The following EYA4 variants were observed in gnomAD, a reference collection of about 807,000 sequenced individuals.
EYA4 encodes the protein EYA transcriptional coactivator and phosphatase 4, also known as protein phosphatase EYA4.
A neutral mutation model predicts 87.9 loss-of-function variants in EYA4; 31 were observed. That is an observed-to-expected ratio of 0.35 (90% CI 0.27 to 0.48). The LOEUF is 0.48. Ranked by LOEUF, EYA4 falls within the 20% of genes least tolerant of loss-of-function variation. The pLI is 0.99. For missense variants in EYA4, 678 were observed against 761.4 expected (o/e 0.89, Z 1.29); for synonymous variants, 263 against 270.6 (o/e 0.97, Z 0.28).
At chr6:133,417,300 T>C (rs1006349443) in intron 3 of EYA4, among the ~76,000 whole-genome samples, 3 of 152,138 alleles carry the variant, frequency 2.0e-5, no homozygotes, top group African/African-American at 7.2e-5. Flanking sequence ...CTCTTTGCAC[T>C]CTGTGAGTTA....
intron 1 of EYA4, among the ~76,000 whole-genome samples, chr6:133,251,320 ATGAAC>A (rs1240067675): frequency 1.3e-5 from 2 of 152,064 alleles, no homozygotes; most frequent in South Asian, 2.1e-4. Flanking sequence ...AGTGGGCCTG[ATGAAC>A]TCAATGTAAA....
intron 13 of EYA4, among the ~76,000 whole-genome samples, chr6:133,494,822 G>A (rs1219691752): frequency 1.3e-5 from 2 of 151,516 alleles, no homozygotes; most frequent in East Asian, 3.9e-4. Flanking sequence ...CTGCATTCCA[G>A]CCCAGATGTC....
intron 2 of EYA4, among the ~76,000 whole-genome samples, chr6:133,356,845 C>T (rs1433715581): frequency 6.6e-6 from 1 of 150,838 alleles, no homozygotes; most frequent in African/African-American, 2.4e-5. Flanking sequence ...CTCTGTTGCC[C>T]AGGCTGGAAT....
chr6:133,462,698 C>T lies in EYA4; in HGVS notation c.658C>T (p.Leu220Phe). ...TCAGTCCCCATTACAGAGTGGCTGC[C>T]TCAGTTACAGCCCAGGGTTCTCTAC... ...QTQSPLQSGC[L>F]SYSPGFSTPQ... is the part of the protein sequence containing the mutation. The change falls in exon 9 of 20, where the codon CTC (leucine) becomes TTC (phenylalanine). Residue 220 changes from leucine (L) to phenylalanine (F), a missense_variant. By Grantham distance (22) the Leu-to-Phe change is conservative. Coordinates refer to ENST00000355286, the MANE Select transcript of EYA4 (RefSeq NM_004100.5). 6.2e-7 allele frequency: 1 copy of T among 1,613,820 alleles called. No homozygotes were observed. Among genetic ancestry groups the T allele is most frequent in the South Asian group, 1.1e-5 (1 of 91,084 alleles).
intron 11 of EYA4, among the ~76,000 whole-genome samples, chr6:133,476,248 T>C (rs1446480781): frequency 6.6e-6 from 1 of 152,126 alleles, no homozygotes. Flanking sequence ...TGCTTATCAT[T>C]TTGTGGTGAG....
chr6:133,457,257 C>T (rs1340175364), intron 6 of EYA4, among the ~76,000 whole-genome samples: 1 of 152,140 alleles, frequency 6.6e-6, no homozygotes, highest in Non-Finnish European at 1.5e-5. Flanking sequence ...TACCTGATAA[C>T]TCCCAGCTGG....
intron 14 of EYA4, among the ~76,000 whole-genome samples, chr6:133,506,993 CA>C (rs1338687315): frequency 6.6e-6 from 1 of 151,498 alleles, no homozygotes; most frequent in African/African-American, 2.4e-5. Context: ...ATTTCTCTTT[CA>C]TTTTTTTTCA....
chr6:133,291,437 T>C (rs1438430664), intron 2 of EYA4, among the ~76,000 whole-genome samples: 1 of 152,228 alleles, frequency 6.6e-6, no homozygotes, highest in Non-Finnish European at 1.5e-5. Context: ...AACTACTGCA[T>C]ATAATCAGTG....
In EYA4 at chr6:133,530,638, T is replaced by C; in HGVS notation, c.*1833T>C. On this transcript the variant is annotated 3_prime_UTR_variant, in exon 20 of 20. Coordinates refer to ENST00000355286, the MANE Select transcript of EYA4 (RefSeq NM_004100.5). ...CACTGTGGAAATATGATTTCATTTCTTTAGGCTACAAACCTGTATTTCTTT... is the reference window on the plus strand; with the variant it reads ...CACTGTGGAAATATGATTTCATTTCCTTAGGCTACAAACCTGTATTTCTTT... 4.1e-6 allele frequency: 4 copies of C among 985,752 alleles called. No homozygotes were observed. The highest frequency in any genetic ancestry group is 3.6e-6 in the Non-Finnish European group (3 of 829,792). 61.1% of individuals were successfully genotyped at this position (985,752 alleles called of 1,614,324 possible).
intron 2 of EYA4, among the ~76,000 whole-genome samples, chr6:133,290,827 C>T (rs949978457): frequency 3.3e-5 from 5 of 152,062 alleles, no homozygotes; most frequent in Non-Finnish European, 5.9e-5. Flanking sequence ...TTTTTTGATT[C>T]GTTCCAACCT....
rs1404852396 is a variant in EYA4, at chr6:133,294,374, G to GT, written c.33+19572dup. On this transcript the variant is annotated intron_variant, in intron 2 of 19. Transcript: ENST00000355286. The stretch of plus-strand genomic sequence containing the variant: ...TTTTTGTTTTGTTTTTGTTTTTTTT[G>GT]TTTTTTTTTTTAAGAGACAGTCTTA... 6.7e-3 allele frequency among the ~76,000 whole-genome samples: 868 copies of GT among 128,916 alleles called. 3 individuals carry two copies. Among genetic ancestry groups the GT allele is most frequent in the African/African-American group, 0.018 (629 of 34,798 alleles). 84.6% of individuals were successfully genotyped at this position (128,916 alleles called of 152,430 possible). A position where few individuals can be genotyped will look rare whatever the true frequency, so the allele number is the denominator to read the frequency against.
chr6:133,462,279 T>C (rs1794463920), intron 7 of EYA4, 56 bp from the exon 8 acceptor site: 7 of 1,579,036 alleles, frequency 4.4e-6, no homozygotes, highest in Non-Finnish European at 6.1e-6. Context: ...ATCTAGGCTG[T>C]CTAAATTAAT....
At position 133,327,216 on chromosome 6, in the gene EYA4, C is replaced by T. The variant is rs184411552; in HGVS notation, c.33+52403C>T. Among the ~76,000 whole-genome samples, 443 of 152,128 alleles carry T rather than the reference C, an allele frequency of 2.9e-3. 3 individuals are homozygous for T. Among genetic ancestry groups the T allele is most frequent in the Middle Eastern group, 6.8e-3 (2 of 294 alleles). ...GCAGTGGCATAGTCTTAGCTCACTG[C>T]GACCTCTCCCTCCCAGGTTCAAGCA... On this transcript the variant is annotated intron_variant, in intron 2 of 19. Transcript: ENST00000355286.
intron 11 of EYA4, among the ~76,000 whole-genome samples, chr6:133,481,046 G>GGTGGAAGGGAAGAT (rs1348472124): frequency 6.6e-6 from 1 of 151,870 alleles, no homozygotes; most frequent in African/African-American, 2.4e-5. Flanking sequence ...AGATGAGAGA[G>GGTGGAAGGGAAGAT]GGTTTGACTA....
intron 1 of EYA4, among the ~76,000 whole-genome samples, chr6:133,258,279 G>T (rs1775509171): frequency 6.6e-6 from 1 of 152,170 alleles, no homozygotes; most frequent in South Asian, 2.1e-4. Context: ...ACCACCTGAT[G>T]TCTTTACATT....
rs372024846 is a variant in EYA4 at position 133,445,256 on chromosome 6, A to G, written c.84-1374A>G. On this transcript the variant is annotated intron_variant, in intron 3 of 19. Transcript: ENST00000355286. ...TTTTGCTGTTGTTGTCACATATTAT[A>G]TAAGTCCCTGTATACAGTGCAATTA... Among the ~76,000 whole-genome samples, 15 of 152,322 alleles carry G rather than the reference A, an allele frequency of 9.8e-5. No individual in the cohort carries two copies. The East Asian group carries it at 1.2e-3, about 12-fold the overall frequency.
chr6:133,398,442 A>G (rs1787984970), intron 3 of EYA4, among the ~76,000 whole-genome samples: 1 of 152,220 alleles, frequency 6.6e-6, no homozygotes. Flanking sequence ...AACTCTTGCT[A>G]ACTGAATGAC....
intron 2 of EYA4, among the ~76,000 whole-genome samples, chr6:133,307,940 T>C (rs749413702): frequency 1.3e-4 from 20 of 152,126 alleles, no homozygotes; most frequent in Admixed American, 9.2e-4. Flanking sequence ...GATTGAATCA[T>C]GGGGGTGGGT....
chr6:133,372,561 A>C (rs1465361767), intron 2 of EYA4, among the ~76,000 whole-genome samples: 1 of 151,676 alleles, frequency 6.6e-6, no homozygotes, highest in African/African-American at 2.4e-5. Context: ...TCAATCCAGC[A>C]TGCTATAAAT....
Sources: gnomAD v4.1 joint callset for allele counts (sites outside exome capture counted in the v4.1 genomes callset) on GRCh38, gnomAD v4.1.1 for gene constraint, MANE v1.5 for transcripts, NCBI Gene and HGNC (gene_info 2026-07-23, HGNC 2026-07-21) for gene names.